The following SHANK2 variants were observed in gnomAD, a reference collection of about 807,000 sequenced individuals.
SHANK2 encodes the protein SH3 and multiple ankyrin repeat domains 2.
SHANK2 carries 43 observed loss-of-function variants against 133.7 expected under a neutral mutation model. The ratio of observed to expected loss-of-function variants is 0.32; its 90% CI spans 0.25 to 0.41. The LOEUF (loss-of-function observed/expected upper bound fraction) is 0.41, where lower values mean the gene tolerates loss of function less well. SHANK2 is among the 10% of genes least tolerant of loss of function. SHANK2 has a pLI of 1.00. For missense variants in SHANK2, 1,994 were observed against 2,235.8 expected (o/e 0.89, Z 2.18); for synonymous variants, 1,017 against 952.8 (o/e 1.07, Z -1.24).
chr11:71,121,977 A>G (rs193020718), intron 3 of SHANK2, among the ~76,000 whole-genome samples: 1,849 of 152,354 alleles, frequency 0.012, 13 homozygotes, highest in East Asian at 0.02. Flanking sequence ...AATGGCGATC[A>G]TTAAAAAGTC....
At chr11:70,565,883 A>G (rs2059962429) in intron 17 of SHANK2, among the ~76,000 whole-genome samples, 1 of 152,160 alleles carries the variant, frequency 6.6e-6, no homozygotes, top group South Asian at 2.1e-4. Flanking sequence ...GAAAATCGCA[A>G]ACATAAAGCA....
intron 9 of SHANK2, among the ~76,000 whole-genome samples, chr11:71,072,769 C>T (rs1951159878): frequency 6.6e-6 from 1 of 152,224 alleles, no homozygotes; most frequent in East Asian, 1.9e-4. Context: ...ACCTCGAAAA[C>T]ATTGCACTCA....
chr11:71,088,322 G>T (rs1951446897), intron 8 of SHANK2, among the ~76,000 whole-genome samples: 1 of 152,072 alleles, frequency 6.6e-6, no homozygotes, highest in African/African-American at 2.4e-5. Context: ...ACACACACAT[G>T]CATGCATGTG....
intron 15 of SHANK2, among the ~76,000 whole-genome samples, chr11:70,681,860 A>G (rs1440134064): frequency 6.6e-6 from 1 of 152,008 alleles, no homozygotes; most frequent in African/African-American, 2.4e-5. Context: ...GATCTTGAAC[A>G]CTGTGGGGTT....
At chr11:70,751,217 T>C (rs1012915076) in intron 14 of SHANK2, among the ~76,000 whole-genome samples, 1 of 152,086 alleles carries the variant, frequency 6.6e-6, no homozygotes, top group Non-Finnish European at 1.5e-5. Flanking sequence ...AAAAATCCAT[T>C]CCCAGACACG....
At chr11:70,812,362 C>T (rs1948297637) in intron 12 of SHANK2, among the ~76,000 whole-genome samples, 1 of 152,244 alleles carries the variant, frequency 6.6e-6, no homozygotes, top group African/African-American at 2.4e-5. Context: ...GCCAAATGCT[C>T]ACATGTCTTC....
intron 2 of SHANK2, among the ~76,000 whole-genome samples, chr11:71,152,086 G>T (rs1411647171): frequency 4.0e-5 from 6 of 150,122 alleles, no homozygotes; most frequent in Non-Finnish European, 8.9e-5. Flanking sequence ...CAAAAAAAAC[G>T]TGAAATTTAT....
chr11:70,535,108 C>T lies in SHANK2; in HGVS notation c.2062-32177G>A, dbSNP rs782436193. On this transcript the variant is annotated intron_variant, in intron 17 of 25. Coordinates refer to ENST00000601538, the MANE Select transcript of SHANK2 (RefSeq NM_012309.5). The surrounding 1 kb of genome is among the most constrained non-coding windows in gnomAD (Gnocchi z 4.3). ...AAGACTGGCTTTGGGGCAGGTGAGG[C>T]AGGCACATGAAGTAGTGCTCATGAC... 1.3e-5 allele frequency among the ~76,000 whole-genome samples: 2 copies of T among 152,194 alleles called. No homozygotes were observed. Among genetic ancestry groups the T allele is most frequent in the Non-Finnish European group, 2.9e-5 (2 of 68,036 alleles).
Position 70,486,207 on chromosome 11 carries a change from G to C in SHANK2, c.4086C>G (p.Ser1362=), listed in dbSNP as rs148573251. ...GCACGGTGGTGGGCTCGGGGGCAGC[G>C]GAGATCTGTAAAGCACCTTCGGTTT... ...VSETEGALQI[S]AAPEPTTVPG... The change falls in exon 25 of 26, where the codon TCC becomes TCG. Residue 1362 remains serine (S), a synonymous_variant. Coordinates refer to ENST00000601538, the MANE Select transcript of SHANK2 (RefSeq NM_012309.5). This position sits in a 1 kb window ranked among gnomAD's most constrained non-coding sequence, Gnocchi z 8.0. The C allele has an allele frequency of 1.9e-6, 3 of 1,613,804 alleles. No individual in the cohort carries two copies. The highest frequency in any genetic ancestry group is 2.7e-5 in the African/African-American group (2 of 74,994).
At chr11:70,783,141 C>T (rs1947547353) in intron 14 of SHANK2, among the ~76,000 whole-genome samples, 1 of 152,162 alleles carries the variant, frequency 6.6e-6, no homozygotes, top group African/African-American at 2.4e-5. Flanking sequence ...CAGAAATGGC[C>T]ATGCTCGCAC....
At chr11:70,509,606 C>G (rs2135870278) in intron 17 of SHANK2, among the ~76,000 whole-genome samples, 1 of 152,320 alleles carries the variant, frequency 6.6e-6, no homozygotes, top group African/African-American at 2.4e-5. Flanking sequence ...ACTCAGCCCA[C>G]CCTGCTGGCC....
rs559419266 is a variant in SHANK2, at chr11:70,545,476, G to A, written c.2062-42545C>T. Reference sequence around the variant, plus strand: ...TCTCCTGGATGGCGCCCACCTCAGCGCCCACTGCAGAGCTGAGGGTCCTCA... The same window carrying A: ...TCTCCTGGATGGCGCCCACCTCAGCACCCACTGCAGAGCTGAGGGTCCTCA... On this transcript the variant is annotated intron_variant, in intron 17 of 25. Transcript: ENST00000601538. Among the ~76,000 whole-genome samples the A allele has an allele frequency of 2.0e-5, 3 of 152,208 alleles. No individual in the cohort carries two copies. The South Asian group carries it at 6.2e-4, about 32-fold the overall frequency.
intron 2 of SHANK2, among the ~76,000 whole-genome samples, chr11:71,186,652 G>A (rs1176757261): frequency 6.6e-6 from 1 of 152,354 alleles, no homozygotes; most frequent in East Asian, 1.9e-4. Flanking sequence ...AGCACTCCCT[G>A]CATGTCACAT....
At chr11:71,124,349 A>G (rs1555102290) in intron 3 of SHANK2, among the ~76,000 whole-genome samples, 1 of 150,098 alleles carries the variant, frequency 6.7e-6, no homozygotes, top group Non-Finnish European at 1.5e-5. Context: ...GATGGTGATG[A>G]TGACAGTGGT....
intron 10 of SHANK2, among the ~76,000 whole-genome samples, chr11:70,947,842 G>A (rs11238054): frequency 0.063 from 9,552 of 152,144 alleles, 988 homozygotes; most frequent in African/African-American, 0.22. Flanking sequence ...GGTGGGTGAC[G>A]GATGCACAGA....
intron 14 of SHANK2, among the ~76,000 whole-genome samples, chr11:70,793,203 C>T (rs1421319213): frequency 6.6e-6 from 1 of 152,242 alleles, no homozygotes; most frequent in African/African-American, 2.4e-5. Context: ...GGTCAACTTA[C>T]ATGTGGATTT....
At chr11:70,499,687 C>T (rs901711954) in intron 21 of SHANK2, among the ~76,000 whole-genome samples, 15 of 152,332 alleles carry the variant, frequency 9.8e-5, no homozygotes, top group African/African-American at 3.4e-4. Flanking sequence ...ACCACATCCT[C>T]GGCGCAGCAG....
At chr11:71,124,786 T>A (rs1952152175) in intron 3 of SHANK2, among the ~76,000 whole-genome samples, 1 of 152,188 alleles carries the variant, frequency 6.6e-6, no homozygotes, top group East Asian at 1.9e-4. Context: ...CCCATTCTAT[T>A]TCACTTGCTT....
At chr11:71,109,852 C>T in intron 6 of SHANK2, 89 bp downstream of exon 6, 1 of 782,486 alleles carries the variant, frequency 1.3e-6, no homozygotes, top group Non-Finnish European at 2.2e-6. Flanking sequence ...AAGGTAACTG[C>T]AGCGTTATTC....
Sources: gnomAD v4.1 joint callset for allele counts (sites outside exome capture counted in the v4.1 genomes callset) on GRCh38, gnomAD v4.1.1 for gene constraint, Gnocchi (gnomAD v3.1) non-coding constraint, MANE v1.5 for transcripts, NCBI Gene and HGNC (gene_info 2026-07-23, HGNC 2026-07-21) for gene names.